Variants in RRN3 observed in about 807,000 individuals in gnomAD.
RRN3 encodes RNA polymerase I-specific transcription initiation factor RRN3.
Under a neutral mutation model 82.3 loss-of-function variants are expected in RRN3, and 38 were observed. The observed-to-expected ratio is 0.46, with a 90% CI of 0.36 to 0.61. RRN3 has a LOEUF of 0.61. Among genes scored for constraint, RRN3 ranks in the 20% least tolerant of loss-of-function variants. RRN3 has a pLI of 0.00. For synonymous variants in RRN3, 284 were observed against 284.3 expected, an observed-to-expected ratio of 1.00 and a Z score of 0.01; for missense variants, 726 against 793.1, an observed-to-expected ratio of 0.92 and a Z score of 1.02.
In RRN3 at chr16:15,079,623, C is replaced by T. The variant is rs531748907; in HGVS notation, c.765+375G>A. Among the ~76,000 whole-genome samples the T allele has an allele frequency of 5.0e-3, 754 of 150,388 alleles. 8 individuals are homozygous for T. The highest frequency in any genetic ancestry group is 0.017 in the African/African-American group (709 of 40,952). On this transcript the variant is annotated intron_variant, in intron 9 of 17. Transcript: ENST00000198767. ...TTTTTTTTTTTTTGAGATGGAGTCT[C>T]GCTCTGTCGCCCAGGCTGGAGTGCA... is the stretch of plus-strand genomic sequence containing the variant.
chr16:15,081,167 T>C (rs2151802615), intron 8 of RRN3, among the ~76,000 whole-genome samples: 1 of 152,372 alleles, frequency 6.6e-6, no homozygotes, highest in South Asian at 2.1e-4. Flanking sequence ...TGGATGATGC[T>C]GCTATGACCA....
At chr16:15,085,043 G>A (rs912029541) in intron 6 of RRN3, among the ~76,000 whole-genome samples, 1 of 151,926 alleles carries the variant, frequency 6.6e-6, no homozygotes, top group Admixed American at 6.6e-5. Context: ...TCCAGCCTGG[G>A]CAACAGAGCG....
chr16:15,075,017 A>G (rs1273371133), intron 10 of RRN3, among the ~76,000 whole-genome samples, 156 bp from the exon 11 acceptor site: 1 of 152,176 alleles, frequency 6.6e-6, no homozygotes, highest in Non-Finnish European at 1.5e-5. Flanking sequence ...TGGGAAGCAG[A>G]GGTGGGGGGA....
rs968767014 is a variant in RRN3 at position 15,071,139 on chromosome 16, GCTCTTGC to G, written c.1234_1240del (p.Ala412LeufsTer9). ...TACTTACATAAGAGGAATAAATTTA[GCTCTTGC>G]CAAAAAGCTTCCAATATAATTTCCA... On this transcript the variant is annotated frameshift_variant, in exon 13 of 18. Coordinates refer to ENST00000198767, the MANE Select transcript of RRN3 (RefSeq NM_018427.5). LOFTEE classifies it high-confidence loss of function. 2 of 1,608,816 alleles carry G rather than the reference GCTCTTGC, an allele frequency of 1.2e-6. No homozygotes were observed. Among genetic ancestry groups the G allele is most frequent in the African/African-American group, 2.7e-5 (2 of 74,684 alleles).
At chr16:15,082,012 G>C (rs1796381835) in intron 8 of RRN3, among the ~76,000 whole-genome samples, 2 of 152,156 alleles carry the variant, frequency 1.3e-5, no homozygotes, top group South Asian at 4.1e-4. Context: ...AATTTCTTGT[G>C]TGTGTGTAAA....
rs1186496313 is a variant in RRN3 at position 15,060,109 on chromosome 16, AT to A, written c.*1634del. 25 of 339,786 alleles carry A rather than the reference AT, an allele frequency of 7.4e-5. No individual in the cohort carries two copies. The highest frequency in any genetic ancestry group is 9.9e-5 in the East Asian group (1 of 10,150). The allele number at this position is 339,786 out of a possible 1,614,324, so 21.0% of individuals were successfully genotyped here. A position where few individuals can be genotyped will look rare whatever the true frequency, so the allele number is the denominator to read the frequency against. On this transcript the variant is annotated 3_prime_UTR_variant, in exon 18 of 18. Transcript: ENST00000198767. ...TGTCATTGTTTCATTTTCACCATGG[AT>A]TTTTTTTCACAAACTCCTTTGAAAT... is the stretch of plus-strand genomic sequence containing the variant.
intron 5 of RRN3, 102 bp downstream of exon 5, chr16:15,086,027 A>G: frequency 6.6e-6 from 6 of 906,574 alleles, no homozygotes; most frequent in Non-Finnish European, 1.0e-5. Flanking sequence ...GCCAATATGC[A>G]TCTGGAATCT....
chr16:15,080,563 A>C (rs2045656806), intron 8 of RRN3, among the ~76,000 whole-genome samples: 2 of 152,136 alleles, frequency 1.3e-5, no homozygotes, highest in Admixed American at 6.6e-5. Flanking sequence ...CCTCCCTAGT[A>C]GCTAGAACTA....
At position 15,086,345 on chromosome 16, in the gene RRN3, A is replaced by G. The variant is rs1236177849; in HGVS notation, c.342+20T>C. 1.9e-6 allele frequency: 3 copies of G among 1,613,102 alleles called. No homozygotes were observed. Among genetic ancestry groups the G allele is most frequent in the Non-Finnish European group, 1.7e-6 (2 of 1,179,356 alleles). ...AGTTCTGAATTACATACTTTACAGTAAAATAAATGGTGAACTTACTAATAT... is the reference window on the plus strand; with the variant it reads ...AGTTCTGAATTACATACTTTACAGTGAAATAAATGGTGAACTTACTAATAT... On this transcript the variant is annotated intron_variant, in intron 4 of 17. Coordinates refer to ENST00000198767, the MANE Select transcript of RRN3 (RefSeq NM_018427.5).
chr16:15,068,368 A>T (rs1030591474), intron 14 of RRN3, 91 bp from the exon 15 acceptor site: 336 of 1,448,682 alleles, frequency 2.3e-4, no homozygotes, highest in Non-Finnish European at 2.9e-4. Context: ...TCACACATTT[A>T]AAAAAAACTT....
In RRN3 at chr16:15,065,295, C is replaced by T. The variant is rs770225850; in HGVS notation, c.1630G>A (p.Ala544Thr). The change falls in exon 16 of 18, where the codon GCT (alanine) becomes ACT (threonine). Residue 544 changes from alanine (A) to threonine (T), a missense_variant. By Grantham distance (58) the Ala-to-Thr change is moderately conservative (BLOSUM62 0). Around this residue, in one of 4 missense-constraint regions of RRN3, gnomAD observed 166 missense variants for 154.8 expected, o/e 1.07. Transcript: ENST00000198767. ...RQMLPVIRSTAGGDSVQICTN... is the reference protein window; with the variant it reads ...RQMLPVIRSTTGGDSVQICTN... The stretch of plus-strand genomic sequence containing the variant: ...CAGATCTGCACTGAGTCTCCTCCAG[C>T]GGTACTCCTAATGACTGGCAGCATC... The T allele has an allele frequency of 1.5e-5, 25 of 1,613,692 alleles. No individual in the cohort carries two copies. The highest frequency in any genetic ancestry group is 3.3e-5 in the South Asian group (3 of 91,080).
At chr16:15,074,532 C>G in intron 11 of RRN3, 191 bp downstream of exon 11, 1 of 463,260 alleles carries the variant, frequency 2.2e-6, no homozygotes, top group Non-Finnish European at 3.8e-6. Flanking sequence ...TATAACTCAG[C>G]CAGAATCCCA....
chr16:15,067,142 C>T (rs2045014818), intron 15 of RRN3, among the ~76,000 whole-genome samples: 1 of 151,190 alleles, frequency 6.6e-6, no homozygotes, highest in South Asian at 2.1e-4. Flanking sequence ...GAAGAGAGGA[C>T]ACCTTGAACC....
rs1265890720 is a variant in RRN3, at chr16:15,061,487, T to C, written c.*257A>G. 4 of 394,584 alleles carry C rather than the reference T, an allele frequency of 1.0e-5. No homozygotes were observed. The highest frequency in any genetic ancestry group is 1.8e-5 in the Non-Finnish European group (4 of 222,832). The allele number at this position is 394,584 out of a possible 1,614,324, so 24.4% of individuals were successfully genotyped here. ...AAAATGTACATATTAAACAAGCAAA[T>C]CCTTCCAAATGTATCATCAACCCCA... On this transcript the variant is annotated 3_prime_UTR_variant, in exon 18 of 18. Transcript: ENST00000198767.
intron 14 of RRN3, among the ~76,000 whole-genome samples, chr16:15,068,925 T>A (rs2045100425): frequency 2.6e-5 from 4 of 152,304 alleles, no homozygotes; most frequent in Non-Finnish European, 1.5e-5. Context: ...TTGATACGTA[T>A]TTCAATAAAA....
intron 1 of RRN3, chr16:15,093,906 A>G: frequency 1.9e-6 from 1 of 536,018 alleles, no homozygotes; most frequent in Non-Finnish European, 3.2e-6. Context: ...AATCACGAAG[A>G]GACACAGTCG....
At chr16:15,074,549 T>C (rs2045371508) in intron 11 of RRN3, 174 bp downstream of exon 11, 4 of 457,464 alleles carry the variant, frequency 8.7e-6, no homozygotes, top group Non-Finnish European at 1.5e-5. Context: ...CCCAGTCCCA[T>C]TTTCAAGCTA....
chr16:15,093,209 G>A (rs1191969331), intron 1 of RRN3, among the ~76,000 whole-genome samples: 1 of 152,126 alleles, frequency 6.6e-6, no homozygotes, highest in Non-Finnish European at 1.5e-5. Flanking sequence ...TTCGCACGTT[G>A]GCCAGGCTGG....
At chr16:15,066,668 T>G (rs1434646056) in intron 15 of RRN3, among the ~76,000 whole-genome samples, 1 of 146,346 alleles carries the variant, frequency 6.8e-6, no homozygotes, top group Non-Finnish European at 1.5e-5. Flanking sequence ...AACTAACAGA[T>G]GAAATCCCAA....
Sources: gnomAD v4.1 joint callset for allele counts (sites outside exome capture counted in the v4.1 genomes callset) on GRCh38, gnomAD v4.1.1 for gene constraint, gnomAD v4.1.1 regional missense constraint, MANE v1.5 for transcripts, NCBI Gene and HGNC (gene_info 2026-07-23, HGNC 2026-07-21) for gene names.